The following NRSN1 variants were observed in gnomAD, a reference collection of about 807,000 sequenced individuals.
NRSN1 encodes the protein neurensin 1.
NRSN1 carries 14 observed loss-of-function variants against 17.3 expected under a neutral mutation model. The ratio of observed to expected loss-of-function variants is 0.81; its 90% CI spans 0.54 to 1.27. The LOEUF (loss-of-function observed/expected upper bound fraction) is 1.27. NRSN1 is among the 50% of genes most tolerant of loss of function. The pLI, the probability that NRSN1 is intolerant of heterozygous loss-of-function variation, is 0.00. For missense variants in NRSN1, 209 were observed against 235.9 expected, an observed-to-expected ratio of 0.89 and a Z score of 0.75; for synonymous variants, 79 against 94.2, an observed-to-expected ratio of 0.84 and a Z score of 0.93.
rs1437096544 is a variant in NRSN1 at position 24,146,092 on chromosome 6, C to T, written c.*146C>T. On this transcript the variant is annotated 3_prime_UTR_variant, in exon 4 of 4. Coordinates refer to ENST00000378491, the MANE Select transcript of NRSN1 (RefSeq NM_080723.5). ...AATATAATGGGTGGACTCACACTTG[C>T]TCAGTTCAGGCAGCTCTGCTGGAGG... The T allele has an allele frequency of 1.2e-6, 1 of 859,402 alleles. No individual in the cohort carries two copies. Among genetic ancestry groups the T allele is most frequent in the Non-Finnish European group, 2.0e-6 (1 of 505,740 alleles). The allele number at this position is 859,402 out of a possible 1,614,324, so 53.2% of individuals were successfully genotyped here.
At chr6:24,142,917 A>G (rs1005972319) in intron 3 of NRSN1, among the ~76,000 whole-genome samples, 1 of 152,172 alleles carries the variant, frequency 6.6e-6, no homozygotes, top group African/African-American at 2.4e-5. Context: ...GGCCCCGCCC[A>G]CATCCTGCTG....
intron 3 of NRSN1, chr6:24,141,629 T>A (rs1487205817): frequency 1.3e-5 from 2 of 152,340 alleles, no homozygotes; most frequent in Non-Finnish European, 2.9e-5. Flanking sequence ...CTAGCCACGT[T>A]CCAGTTCTTC....
intron 2 of NRSN1, among the ~76,000 whole-genome samples, chr6:24,133,106 A>C (rs983111170): frequency 6.6e-6 from 1 of 152,164 alleles, no homozygotes; most frequent in Non-Finnish European, 1.5e-5. Flanking sequence ...AAGGGTATCA[A>C]TTAGGTCAAA....
At position 24,129,942 on chromosome 6, in the gene NRSN1, G is replaced by A. The variant is rs185297417; in HGVS notation, c.-10+1742G>A. Among the ~76,000 whole-genome samples, 136 of 152,290 alleles carry A rather than the reference G, an allele frequency of 8.9e-4. 1 individual carries two copies. Among genetic ancestry groups the A allele is most frequent in the African/African-American group, 2.9e-3 (120 of 41,558 alleles). ...CATGCTGGCAGGGAGGATGCAACAG[G>A]CTCCATCAGAGTGTTTACAGAATGA... On this transcript the variant is annotated intron_variant, in intron 2 of 3. Transcript: ENST00000378491.
In NRSN1 at chr6:24,145,434, A is replaced by C. The variant is rs1760287179; in HGVS notation, c.190-114A>C. The C allele has an allele frequency of 1.4e-6, 1 of 717,756 alleles. No homozygotes were observed. Among genetic ancestry groups the C allele is most frequent in the African/African-American group, 1.8e-5 (1 of 55,010 alleles). The allele number at this position is 717,756 out of a possible 1,614,324, so 44.5% of individuals were successfully genotyped here. The stretch of plus-strand genomic sequence containing the variant: ...AAGTGTTTCCTGCAAATTTGGGGTA[A>C]CTGGGAATATTCATTTCTCTCAAGA... On this transcript the variant is annotated intron_variant, in intron 3 of 3. Coordinates refer to ENST00000378491, the MANE Select transcript of NRSN1 (RefSeq NM_080723.5). The surrounding 1 kb of genome is among the most constrained non-coding windows in gnomAD (Gnocchi z 4.4).
At position 24,146,034 on chromosome 6, in the gene NRSN1, TTGAC is replaced by T; in HGVS notation, c.*91_*94del. ...TTTTCGAGATAAAGAAGATTTGGCG[TTGAC>T]TGCCCTAGGGCTGTGTTCAGCTGTG... On this transcript the variant is annotated 3_prime_UTR_variant, in exon 4 of 4. Transcript: ENST00000378491. 1 of 1,322,676 alleles carries T rather than the reference TTGAC, an allele frequency of 7.6e-7. No homozygotes were observed. The highest frequency in any genetic ancestry group is 1.1e-6 in the Non-Finnish European group (1 of 931,640). The allele number at this position is 1,322,676 out of a possible 1,614,324, so 81.9% of individuals were successfully genotyped here.
At position 24,145,615 on chromosome 6, in the gene NRSN1, T is replaced by TGCCCCC. The variant is rs1410032885; in HGVS notation, c.258_263dup (p.Pro87_Pro88dup). On this transcript the variant is annotated inframe_insertion, in exon 4 of 4. Transcript: ENST00000378491. This position sits in a 1 kb window ranked among gnomAD's most constrained non-coding sequence, Gnocchi z 4.4. Reference sequence around the variant, plus strand: ...ACTGTTCTGGCAGTGGGCTTTCTTGTGCCCCCCAAAATCGAAGCATTTGGC... The same window carrying TGCCCCC: ...ACTGTTCTGGCAGTGGGCTTTCTTGTGCCCCCGCCCCCCAAAATCGAAGCATTTGGC... 1 of 1,613,492 alleles carries TGCCCCC rather than the reference T, an allele frequency of 6.2e-7. No homozygotes were observed.
rs1760292739 is a variant in NRSN1, at chr6:24,145,719, G to A, written c.361G>A (p.Val121Ile). ...ALDMYKLAGA[V>I]LFCIGGTSMA... ...GGACATGTACAAGCTGGCAGGAGCTGTTCTCTTCTGCATTGGAGGCACGTC... is the reference window on the plus strand; with the variant it reads ...GGACATGTACAAGCTGGCAGGAGCTATTCTCTTCTGCATTGGAGGCACGTC... The change falls in exon 4 of 4, where the codon GTT becomes ATT. Residue 121 changes from valine to isoleucine, a missense_variant. Coordinates refer to ENST00000378491, the MANE Select transcript of NRSN1 (RefSeq NM_080723.5). The surrounding 1 kb of genome is among the most constrained non-coding windows in gnomAD (Gnocchi z 4.4). The A allele has an allele frequency of 6.2e-7, 1 of 1,614,054 alleles. No individual in the cohort carries two copies. Among genetic ancestry groups the A allele is most frequent in the Non-Finnish European group, 8.5e-7 (1 of 1,180,000 alleles).
chr6:24,130,453 T>C (rs1760010738), intron 2 of NRSN1, among the ~76,000 whole-genome samples: 1 of 152,220 alleles, frequency 6.6e-6, no homozygotes, highest in African/African-American at 2.4e-5. Context: ...TATAACTCTC[T>C]GTTGAGATTT....
intron 1 of NRSN1, among the ~76,000 whole-genome samples, chr6:24,127,698 T>C (rs1759969243): frequency 6.6e-6 from 1 of 152,164 alleles, no homozygotes; most frequent in Non-Finnish European, 1.5e-5. Context: ...ATAGTGATTA[T>C]AGGACTCATA....
intron 2 of NRSN1, among the ~76,000 whole-genome samples, chr6:24,130,298 G>C (rs1433831094): frequency 6.6e-6 from 1 of 152,130 alleles, no homozygotes; most frequent in African/African-American, 2.4e-5. Context: ...GTTATATATA[G>C]TTTAATAACT....
chr6:24,139,654 G>C (rs536543858), intron 3 of NRSN1, among the ~76,000 whole-genome samples: 1 of 152,324 alleles, frequency 6.6e-6, no homozygotes, highest in South Asian at 2.1e-4. Flanking sequence ...CAGAGATCCA[G>C]GCTGGAGTTG....
chr6:24,141,000 G>T, intron 3 of NRSN1: 1 of 1,463,258 alleles, frequency 6.8e-7, no homozygotes, highest in Admixed American at 2.4e-5. Flanking sequence ...TGTCCTCGCT[G>T]CTGTTTCGGG....
intron 3 of NRSN1, among the ~76,000 whole-genome samples, chr6:24,134,955 C>T (rs1393350816): frequency 1.3e-5 from 2 of 152,160 alleles, no homozygotes; most frequent in East Asian, 3.9e-4. Context: ...GGTCAGTATA[C>T]CAGCTCCGTC....
intron 3 of NRSN1, among the ~76,000 whole-genome samples, chr6:24,138,763 C>T (rs375700248): frequency 3.9e-5 from 6 of 152,090 alleles, no homozygotes; most frequent in East Asian, 1.9e-4. Flanking sequence ...AACTTAAGTC[C>T]TTGTTTTTTC....
chr6:24,137,360 G>C (rs112199175), intron 3 of NRSN1, among the ~76,000 whole-genome samples: 5 of 151,992 alleles, frequency 3.3e-5, no homozygotes, highest in Non-Finnish European at 7.4e-5. Context: ...CATTCACCAG[G>C]CTCTGGGATT....
chr6:24,143,691 G>A (rs1332752734), intron 3 of NRSN1, among the ~76,000 whole-genome samples: 1 of 152,188 alleles, frequency 6.6e-6, no homozygotes, highest in East Asian at 1.9e-4. Context: ...CTGAGCAATC[G>A]TAATACTGTT....
chr6:24,144,801 C>A (rs755173599), intron 3 of NRSN1, among the ~76,000 whole-genome samples: 1 of 151,740 alleles, frequency 6.6e-6, no homozygotes, highest in African/African-American at 2.4e-5. Flanking sequence ...TGAGATGGTG[C>A]CTGGCAGAAC....
In NRSN1 at chr6:24,145,933, T is replaced by C; in HGVS notation, c.575T>C (p.Leu192Pro). ...TLSRVQNVQPLLAT is the reference protein window; with the variant it reads ...TLSRVQNVQPPLAT ...TCCAGGGTTCAAAATGTCCAGCCTCTACTGGCAACCTGAAACCTTTCCCAC... is the reference window on the plus strand; with the variant it reads ...TCCAGGGTTCAAAATGTCCAGCCTCCACTGGCAACCTGAAACCTTTCCCAC... Residue 192 changes from leucine to proline, a missense_variant, in exon 4 of 4, where the codon CTA becomes CCA. Leu to Pro is a moderately conservative substitution (Grantham distance 98, BLOSUM62 -3). Coordinates refer to ENST00000378491, the MANE Select transcript of NRSN1 (RefSeq NM_080723.5). The surrounding 1 kb of genome is among the most constrained non-coding windows in gnomAD (Gnocchi z 4.4). 6.2e-7 allele frequency: 1 copy of C among 1,607,048 alleles called. No homozygotes were observed. Among genetic ancestry groups the C allele is most frequent in the Non-Finnish European group, 8.5e-7 (1 of 1,177,410 alleles).
Sources: allele counts gnomAD v4.1 joint callset (sites outside exome capture counted in the v4.1 genomes callset), GRCh38; gene constraint gnomAD v4.1.1; non-coding constraint Gnocchi (gnomAD v3.1); transcripts MANE v1.5; gene names NCBI Gene and HGNC (gene_info 2026-07-23, HGNC 2026-07-21).